NCOR2: variants seen among roughly 807,000 people sequenced by gnomAD.
The protein encoded by NCOR2 is nuclear receptor corepressor 2.
Under a neutral mutation model 262.9 loss-of-function variants are expected in NCOR2, and 81 were observed. The ratio of observed to expected loss-of-function variants is 0.31; its 90% CI spans 0.26 to 0.37. The LOEUF is 0.37. NCOR2 is among the 10% of genes least tolerant of loss of function. The pLI is 1.00. For missense variants in NCOR2, 3,385 were observed against 3,621.4 expected, an observed-to-expected ratio of 0.93 and a Z score of 1.68; for synonymous variants, 1,659 against 1,559.3, an observed-to-expected ratio of 1.06 and a Z score of -1.51.
chr12:124,446,867 A>G (rs2045207999), intron 7 of NCOR2, among the ~76,000 whole-genome samples: 1 of 152,238 alleles, frequency 6.6e-6, no homozygotes. Context: ...TTGACTACTT[A>G]CAGTGTAGGA....
At chr12:124,564,450 G>A (rs1017144263) in intron 1 of NCOR2, among the ~76,000 whole-genome samples, 2 of 152,248 alleles carry the variant, frequency 1.3e-5, no homozygotes, top group South Asian at 2.1e-4. Flanking sequence ...GCTGTTTAGC[G>A]TTTGAGATGT....
At chr12:124,507,427 T>C (rs2049110076) in intron 1 of NCOR2, among the ~76,000 whole-genome samples, 2 of 152,180 alleles carry the variant, frequency 1.3e-5, no homozygotes, top group Non-Finnish European at 2.9e-5. Flanking sequence ...GCTTGTGTTG[T>C]TCCGCGGTGG....
intron 17 of NCOR2, 29 bp downstream of exon 19, chr12:124,385,716 G>A (rs765990043): frequency 6.2e-7 from 1 of 1,609,642 alleles, no homozygotes; most frequent in East Asian, 2.2e-5. Context: ...GCTTCCCAGA[G>A]GCGCGGTGCA....
At chr12:124,395,545 A>G (rs1383875505) in intron 16 of NCOR2, among the ~76,000 whole-genome samples, 2 of 152,216 alleles carry the variant, frequency 1.3e-5, no homozygotes, top group Non-Finnish European at 2.9e-5. Flanking sequence ...GCTCACTGTC[A>G]TCACTGAGGA....
chr12:124,349,019 G>C (rs1436658480), intron 28 of NCOR2: 6 of 152,504 alleles, frequency 3.9e-5, no homozygotes, highest in Admixed American at 6.5e-5. Flanking sequence ...ACACGGCTTT[G>C]TATGTATACA....
At chr12:124,496,233 C>G (rs1297355557), upstream of NCOR2, among the ~76,000 whole-genome samples, 3 of 151,910 alleles carry the variant, frequency 2.0e-5, no homozygotes, top group Admixed American at 2.0e-4. This position sits in a 1 kb window ranked among gnomAD's most constrained non-coding sequence, Gnocchi z 4.4. Flanking sequence ...TAAGCACCCC[C>G]CACCCCCAAC....
At chr12:124,553,854 G>A (rs1237753454) in intron 1 of NCOR2, among the ~76,000 whole-genome samples, 2 of 152,166 alleles carry the variant, frequency 1.3e-5, no homozygotes, top group Admixed American at 6.5e-5. Context: ...GCTGCTGTGG[G>A]GCACCCACGG....
Position 124,378,551 on chromosome 12 carries a change from G to T in NCOR2, c.2020-167C>A, listed in dbSNP as rs1416609136. On this transcript the variant is annotated intron_variant, in intron 17 of 46. Transcript: ENST00000405201. The surrounding 1 kb of genome is among the most constrained non-coding windows in gnomAD (Gnocchi z 4.2). ...CCACCTCGGCAGCCAAGCGTGCCAG[G>T]GTTTATTTTTACCGGGGGCTTTATT... Among the ~76,000 whole-genome samples the T allele has an allele frequency of 6.6e-6, 1 of 152,126 alleles. No individual in the cohort carries two copies. The highest frequency in any genetic ancestry group is 2.4e-5 in the African/African-American group (1 of 41,420).
chr12:124,492,066 C>T (rs12814949), intron 1 of NCOR2, among the ~76,000 whole-genome samples: 12,976 of 152,254 alleles, frequency 0.085, 609 homozygotes, highest in African/African-American at 0.11. Flanking sequence ...TGCTGGGAAT[C>T]ACTCACCAGC....
At chr12:124,408,943 A>C (rs1286091065) in intron 13 of NCOR2, among the ~76,000 whole-genome samples, 2 of 152,146 alleles carry the variant, frequency 1.3e-5, no homozygotes, top group African/African-American at 4.8e-5. Context: ...CCCAGTTCCA[A>C]GTCAGCGGCA....
chr12:124,354,988 C>A (rs545298264), intron 24 of NCOR2, 49 bp from the exon 27 acceptor site: 3 of 1,528,710 alleles, frequency 2.0e-6, no homozygotes, highest in African/African-American at 1.4e-5. Context: ...GTCCCTCCCC[C>A]ACAGTCCAGA....
At chr12:124,509,530 ACT>A (rs929334656) in intron 1 of NCOR2, among the ~76,000 whole-genome samples, 7 of 151,684 alleles carry the variant, frequency 4.6e-5, no homozygotes, top group African/African-American at 1.7e-4. Flanking sequence ...TAAAACACAA[ACT>A]CTCAGATAGG....
chr12:124,509,255 C>T (rs937730445), intron 1 of NCOR2, among the ~76,000 whole-genome samples: 7 of 129,700 alleles, frequency 5.4e-5, no homozygotes, highest in African/African-American at 2.4e-4. Context: ...GGGGGCTTAA[C>T]TCTGAACTCT....
intron 28 of NCOR2, among the ~76,000 whole-genome samples, chr12:124,350,186 G>A (rs1262844963): frequency 2.6e-5 from 4 of 152,150 alleles, no homozygotes; most frequent in Admixed American, 2.6e-4. Context: ...GAGAGGATGG[G>A]GGCTCCGCAG....
At position 124,354,750 on chromosome 12, in the gene NCOR2, C is replaced by A. The variant is rs1389678063; in HGVS notation, c.3484+87G>T. 2.9e-6 allele frequency: 4 copies of A among 1,390,740 alleles called. No individual in the cohort carries two copies. In the East Asian group the frequency reaches 7.2e-5, roughly 25 times the overall value. 86.1% of individuals were successfully genotyped at this position (1,390,740 alleles called of 1,614,324 possible). On this transcript the variant is annotated intron_variant, in intron 25 of 46. Transcript: ENST00000405201. ...CAGCTGCTACCTGGAGTACCGTGGG[C>A]CAAGATACCCCTTCCTCCCCCGCCC... is the stretch of plus-strand genomic sequence containing the variant.
intron 1 of NCOR2, among the ~76,000 whole-genome samples, chr12:124,551,295 G>A (rs1242434162): frequency 2.0e-5 from 3 of 152,114 alleles, no homozygotes; most frequent in Non-Finnish European, 2.9e-5. Flanking sequence ...GTCAATACTC[G>A]ACCACTTTTG....
rs1173989660 is a variant in NCOR2 at position 124,450,505 on chromosome 12, G to A, written c.763-638C>T. On this transcript the variant is annotated intron_variant, in intron 6 of 46. Coordinates refer to ENST00000405201, the Ensembl canonical transcript of NCOR2. ...TCCACCAGGAGACGGGCGCTAGGAT[G>A]TTCCTAACGCACTGCTCACAGCGGC... Among the ~76,000 whole-genome samples the A allele has an allele frequency of 2.0e-5, 3 of 152,182 alleles. No individual in the cohort carries two copies. In the East Asian group the frequency reaches 5.8e-4, roughly 29 times the overall value.
upstream of NCOR2, among the ~76,000 whole-genome samples, chr12:124,498,269 G>A (rs77060468): frequency 6.6e-5 from 10 of 152,282 alleles, no homozygotes; most frequent in East Asian, 9.7e-4. Flanking sequence ...CCTGGCACAC[G>A]CTTACCATGG....
rs577978764 is a variant in NCOR2 at position 124,389,081 on chromosome 12, G to C, written c.1877-3194C>G. The stretch of plus-strand genomic sequence containing the variant: ...CTTCCCCGAGGGTGGTGGGTGGCGG[G>C]AAGTTGTCAGTGGTGCGTGTGGGAT... On this transcript the variant is annotated intron_variant, in intron 16 of 46. Transcript: ENST00000405201. The surrounding 1 kb of genome is among the most constrained non-coding windows in gnomAD (Gnocchi z 4.4). 2.0e-5 allele frequency among the ~76,000 whole-genome samples: 3 copies of C among 152,358 alleles called. No individual in the cohort carries two copies. Among genetic ancestry groups the C allele is most frequent in the African/African-American group, 7.2e-5 (3 of 41,594 alleles).
Sources: allele counts gnomAD v4.1 joint callset (sites outside exome capture counted in the v4.1 genomes callset), GRCh38; gene constraint gnomAD v4.1.1; non-coding constraint Gnocchi (gnomAD v3.1); transcripts MANE v1.5; gene names NCBI Gene and HGNC (gene_info 2026-07-23, HGNC 2026-07-21).